Variants in CHD7 observed in about 807,000 individuals in gnomAD.
CHD7 encodes chromodomain helicase DNA binding protein 7.
In CHD7, 24 loss-of-function variants were observed where a neutral mutation model predicts 307.3. The observed-to-expected ratio is 0.08, with a 90% CI of 0.06 to 0.11. The LOEUF is 0.11. Ranked by LOEUF, CHD7 falls within the 10% of genes least tolerant of loss-of-function variation. CHD7 has a pLI of 1.00. For missense variants in CHD7, 3,106 were observed against 3,727.1 expected, an observed-to-expected ratio of 0.83 and a Z score of 4.34; for synonymous variants, 1,363 against 1,349.9, an observed-to-expected ratio of 1.01 and a Z score of -0.21.
Position 60,822,543 on chromosome 8 carries a change from A to C in CHD7, c.2998A>C (p.Thr1000Pro). 6.2e-7 allele frequency: 1 copy of C among 1,613,670 alleles called. No individual in the cohort carries two copies. Among genetic ancestry groups the C allele is most frequent in the Non-Finnish European group, 8.5e-7 (1 of 1,179,614 alleles). Residue 1000 changes from threonine (T) to proline (P), a missense_variant, in exon 12 of 38, where the codon ACT becomes CCT. This residue lies in a region of CHD7 where 188 missense variants were observed against 261.7 expected (regional missense o/e 0.72). Transcript: ENST00000423902. ...AGCAGATGAAATGGGTTTGGGAAAAACTATCCAGTCCATTACATTTCTCTA... is the reference window on the plus strand; with the variant it reads ...AGCAGATGAAATGGGTTTGGGAAAACCTATCCAGTCCATTACATTTCTCTA... ...ILADEMGLGK[T>P]IQSITFLYEI...
At chr8:60,703,237 T>TA (rs1219340358) in intron 1 of CHD7, among the ~76,000 whole-genome samples, 1 of 152,226 alleles carries the variant, frequency 6.6e-6, no homozygotes, top group Admixed American at 6.5e-5. Context: ...TTCATAATGT[T>TA]ACGCATCCAT....
intron 3 of CHD7, among the ~76,000 whole-genome samples, chr8:60,788,082 A>C (rs1040147174): frequency 9.2e-5 from 14 of 151,542 alleles, no homozygotes; most frequent in Admixed American, 8.5e-4. Context: ...TTGGTCTCGC[A>C]AAGTGCTGGG....
At chr8:60,794,897 G>A (rs1340643138) in intron 3 of CHD7, 89 bp from the exon 4 acceptor site, 1 of 1,208,242 alleles carries the variant, frequency 8.3e-7, no homozygotes, top group Non-Finnish European at 1.2e-6. Context: ...AGTTGTCATT[G>A]ATACTTTTGG....
At chr8:60,850,117 G>A (rs891407651) in intron 25 of CHD7, among the ~76,000 whole-genome samples, 4 of 152,254 alleles carry the variant, frequency 2.6e-5, no homozygotes, top group Admixed American at 2.6e-4. Flanking sequence ...GAGTGGATGG[G>A]GGTGGACTCA....
intron 1 of CHD7, among the ~76,000 whole-genome samples, chr8:60,714,397 C>T (rs977089402): frequency 1.1e-5 from 1 of 90,192 alleles, no homozygotes; most frequent in African/African-American, 4.4e-5. Context: ...ACATGGCGGC[C>T]GGGAGAAGGC....
intron 4 of CHD7, 81 bp downstream of exon 4, chr8:60,795,208 C>T (rs1395406859): frequency 1.5e-6 from 2 of 1,309,438 alleles, no homozygotes; most frequent in Non-Finnish European, 2.1e-6. Context: ...ACAAGACCTC[C>T]CCTATCTTGT....
intron 2 of CHD7, among the ~76,000 whole-genome samples, chr8:60,745,392 A>T (rs1809272818): frequency 1.3e-5 from 2 of 152,096 alleles, no homozygotes; most frequent in African/African-American, 4.8e-5. Context: ...AAGAGTACAG[A>T]TGCCTCAGTG....
chr8:60,848,893 A>G (rs959625866), intron 24 of CHD7, among the ~76,000 whole-genome samples, 158 bp from the exon 25 acceptor site: 3 of 152,218 alleles, frequency 2.0e-5, no homozygotes, highest in African/African-American at 7.2e-5. Flanking sequence ...GTCATGGCAG[A>G]GGGCTACTGA....
At chr8:60,751,949 T>C (rs1809661851) in intron 2 of CHD7, among the ~76,000 whole-genome samples, 1 of 152,212 alleles carries the variant, frequency 6.6e-6, no homozygotes, top group Non-Finnish European at 1.5e-5. Context: ...CAGGGAAGGC[T>C]GCAAGGCACT....
chr8:60,865,519 C>T lies in CHD7; in HGVS notation c.8580C>T (p.Ser2860=), dbSNP rs767368987. The T allele has an allele frequency of 7.2e-5, 117 of 1,613,938 alleles. No individual in the cohort carries two copies. The highest frequency in any genetic ancestry group is 5.3e-4 in the Admixed American group (32 of 60,018). Residue 2860 remains serine (S), a synonymous_variant, in exon 38 of 38, where the codon AGC becomes AGT. Transcript: ENST00000423902. This position sits in a 1 kb window ranked among gnomAD's most constrained non-coding sequence, Gnocchi z 4.3. Reference sequence around the variant, plus strand: ...ACGAGAACAAAGACTCTGAGAAAAGCACAGATGCTGTTTCGGCTGCTGACT... The same window carrying T: ...ACGAGAACAAAGACTCTGAGAAAAGTACAGATGCTGTTTCGGCTGCTGACT... ...NEDENKDSEK[S]TDAVSAADSA... is the part of the protein sequence containing the mutation.
intron 2 of CHD7, among the ~76,000 whole-genome samples, chr8:60,771,681 G>C (rs147453486): frequency 0.78 from 118,241 of 151,974 alleles, 46,277 homozygotes; most frequent in East Asian, 0.94. Flanking sequence ...GGGGAGTCTT[G>C]ACTGGGGAGG....
At chr8:60,815,818 A>AT (rs1265077759) in intron 7 of CHD7, among the ~76,000 whole-genome samples, 2 of 152,134 alleles carry the variant, frequency 1.3e-5, no homozygotes, top group African/African-American at 4.8e-5. Context: ...TTCCTCCTAG[A>AT]TTTTTCTAGA....
Position 60,742,060 on chromosome 8 carries a change from A to G in CHD7, c.628A>G (p.Met210Val), listed in dbSNP as rs776593094. ...GCAGCATGGTCAGCCACAGCAGAGGATGAGCCAGTTTTCCCAAGGCCAAGA... is the reference window on the plus strand; with the variant it reads ...GCAGCATGGTCAGCCACAGCAGAGGGTGAGCCAGTTTTCCCAAGGCCAAGA... ...MQQHGQPQQR[M>V]SQFSQGQEGL... Residue 210 changes from methionine (M) to valine (V), a missense_variant, in exon 2 of 38, where the codon ATG becomes GTG. Coordinates refer to ENST00000423902, the MANE Select transcript of CHD7 (RefSeq NM_017780.4). The G allele has an allele frequency of 2.5e-6, 4 of 1,613,870 alleles. No homozygotes were observed. Among genetic ancestry groups the G allele is most frequent in the South Asian group, 1.1e-5 (1 of 91,088 alleles).
intron 1 of CHD7, among the ~76,000 whole-genome samples, chr8:60,696,452 AATTGATCTAAGAC>A (rs918452161): frequency 1.8e-4 from 27 of 152,138 alleles, no homozygotes; most frequent in African/African-American, 6.3e-4. Context: ...CCAATTACTT[AATTGATCTAAGAC>A]GCAGTTTCTT....
chr8:60,744,434 G>C (rs1293996570), intron 2 of CHD7, among the ~76,000 whole-genome samples: 72 of 146,088 alleles, frequency 4.9e-4, no homozygotes, highest in Admixed American at 4.7e-3. Flanking sequence ...AAAGTAAAAG[G>C]GTTTAGTCAG....
intron 1 of CHD7, among the ~76,000 whole-genome samples, chr8:60,711,893 T>C (rs1183365440): frequency 2.0e-5 from 3 of 152,198 alleles, no homozygotes; most frequent in Non-Finnish European, 4.4e-5. Context: ...CCTTAACAGA[T>C]TGCATGTGCA....
At chr8:60,812,293 T>C (rs1215190832) in intron 7 of CHD7, among the ~76,000 whole-genome samples, 2 of 152,158 alleles carry the variant, frequency 1.3e-5, no homozygotes, top group Non-Finnish European at 2.9e-5. Flanking sequence ...ATCCATTTGG[T>C]GTTTATTCTT....
intron 1 of CHD7, among the ~76,000 whole-genome samples, chr8:60,694,124 C>T (rs1806336697): frequency 6.6e-6 from 1 of 152,262 alleles, no homozygotes; most frequent in South Asian, 2.1e-4. Context: ...TTCAGATTGA[C>T]ATCTCTAAAG....
intron 2 of CHD7, among the ~76,000 whole-genome samples, chr8:60,770,594 AG>A (rs1342253175): frequency 3.3e-5 from 5 of 152,254 alleles, no homozygotes; most frequent in Admixed American, 6.5e-5. Context: ...AGTAAGTATC[AG>A]GAACCTTTAA....
Sources: gnomAD v4.1 joint callset for allele counts (sites outside exome capture counted in the v4.1 genomes callset) on GRCh38, gnomAD v4.1.1 for gene constraint, gnomAD v4.1.1 regional missense constraint, Gnocchi (gnomAD v3.1) non-coding constraint, MANE v1.5 for transcripts, NCBI Gene and HGNC (gene_info 2026-07-23, HGNC 2026-07-21) for gene names.